Variants in HMGN5 observed in about 807,000 individuals in gnomAD.
HMGN5 encodes the protein high mobility group nucleosome binding domain 5.
HMGN5 carries 4 observed loss-of-function variants against 9.5 expected under a neutral mutation model. That is an observed-to-expected ratio of 0.42 (90% CI 0.21 to 0.96). The LOEUF (loss-of-function observed/expected upper bound fraction) is 0.96, where lower values mean the gene tolerates loss of function less well. Among genes scored for constraint, HMGN5 ranks in the 40% least tolerant of loss-of-function variants. HMGN5 has a pLI of 0.30. For synonymous variants in HMGN5, 55 were observed against 57.1 expected (o/e 0.96, Z 0.16); for missense variants, 192 against 187.5 (o/e 1.02, Z -0.14).
rs1378904508 is a variant in HMGN5, at chrX:81,114,503, T to C, written c.*146A>G. ...TGTTTCATGTTAGAAACTTTATGGCTAATAATCAATATGAAGATGTTCTGA... is the reference window on the plus strand; with the variant it reads ...TGTTTCATGTTAGAAACTTTATGGCCAATAATCAATATGAAGATGTTCTGA... On this transcript the variant is annotated 3_prime_UTR_variant, in exon 7 of 7. Coordinates refer to ENST00000358130, the MANE Select transcript of HMGN5 (RefSeq NM_030763.3). 1 of 512,957 alleles carries C rather than the reference T, an allele frequency of 1.9e-6. No individual in the cohort carries two copies. The highest frequency in any genetic ancestry group is 4.3e-5 in the East Asian group (1 of 23,028). The allele number at this position is 512,957 out of a possible 1,213,427, so 42.3% of individuals were successfully genotyped here.
chrX:81,179,091 TATA>T (rs1477328012), intron 1 of HMGN5, among the ~76,000 whole-genome samples: 1 of 111,515 alleles, frequency 9.0e-6, no homozygotes, highest in Non-Finnish European at 1.9e-5. Context: ...CCACAGCCAA[TATA>T]ATACTGAATG....
At chrX:81,148,981 G>A (rs2075353350) in intron 1 of HMGN5, among the ~76,000 whole-genome samples, 1 of 111,760 alleles carries the variant, frequency 8.9e-6, no homozygotes, top group Non-Finnish European at 1.9e-5. Context: ...GGAAACAACA[G>A]ATGCTGGAGA....
chrX:81,133,574 G>A (rs140143918), intron 1 of HMGN5, among the ~76,000 whole-genome samples: 14 of 111,444 alleles, frequency 1.3e-4, no homozygotes, highest in Non-Finnish European at 2.5e-4. Context: ...GTATGGAGCT[G>A]GAGGCCATTA....
chrX:81,120,640 A>C (rs772591810), intron 2 of HMGN5, among the ~76,000 whole-genome samples: 1 of 111,481 alleles, frequency 9.0e-6, no homozygotes, highest in Non-Finnish European at 1.9e-5. Flanking sequence ...AAACAATCAT[A>C]ATGTCTTAGC....
intron 1 of HMGN5, among the ~76,000 whole-genome samples, chrX:81,192,158 T>A: frequency 9.0e-6 from 1 of 111,499 alleles, no homozygotes; most frequent in Non-Finnish European, 1.9e-5. Flanking sequence ...TAAAGTACTA[T>A]CCTTTTTATA....
chrX:81,188,919 C>G (rs1326118479), intron 1 of HMGN5, among the ~76,000 whole-genome samples: 1 of 111,235 alleles, frequency 9.0e-6, no homozygotes, highest in African/African-American at 3.3e-5. Flanking sequence ...ACCACAGTCA[C>G]AGTGCTACAA....
chrX:81,144,211 TC>T (rs1404314869), intron 1 of HMGN5, among the ~76,000 whole-genome samples: 1 of 110,815 alleles, frequency 9.0e-6, no homozygotes, highest in East Asian at 2.9e-4. Flanking sequence ...CTGGAAGACA[TC>T]CCCCAGTAGA....
At chrX:81,149,516 A>G (rs1202385146) in intron 1 of HMGN5, among the ~76,000 whole-genome samples, 3 of 111,615 alleles carry the variant, frequency 2.7e-5, no homozygotes, top group African/African-American at 6.5e-5. Context: ...GAAATATCTA[A>G]TGTAGATGAT....
intron 1 of HMGN5, among the ~76,000 whole-genome samples, chrX:81,127,241 C>T (rs1048992963): frequency 1.8e-5 from 2 of 111,581 alleles, no homozygotes; most frequent in African/African-American, 6.5e-5. Flanking sequence ...GCTGGTTACT[C>T]TTACAAAAAG....
chrX:81,141,784 G>A (rs1459006271), intron 1 of HMGN5, among the ~76,000 whole-genome samples: 2 of 111,415 alleles, frequency 1.8e-5, no homozygotes, highest in Non-Finnish European at 3.8e-5. Context: ...ACTCTTCAAT[G>A]CCCAGACACT....
In HMGN5 at chrX:81,121,515, T is replaced by C; in HGVS notation, c.15+20A>G. The stretch of plus-strand genomic sequence containing the variant: ...GTAACTCAGCAGCTCATTCCCCGTC[T>C]GTCTTTCCATTTCACTTACCTTTCT... On this transcript the variant is annotated intron_variant, in intron 2 of 6. Coordinates refer to ENST00000358130, the MANE Select transcript of HMGN5 (RefSeq NM_030763.3). 8.4e-7 allele frequency: 1 copy of C among 1,193,559 alleles called. No homozygotes were observed. The highest frequency in any genetic ancestry group is 1.1e-6 in the Non-Finnish European group (1 of 879,931).
chrX:81,131,438 TG>T (rs1240897669), intron 1 of HMGN5, among the ~76,000 whole-genome samples: 1 of 111,168 alleles, frequency 9.0e-6, no homozygotes, highest in Non-Finnish European at 1.9e-5. Context: ...AGGACCTGTG[TG>T]GGGATTGAAA....
At chrX:81,184,702 A>G (rs1302759701) in intron 1 of HMGN5, among the ~76,000 whole-genome samples, 2 of 111,244 alleles carry the variant, frequency 1.8e-5, no homozygotes, top group Non-Finnish European at 3.8e-5. Context: ...ATCTTTGCCT[A>G]GTCCAATGTC....
intron 1 of HMGN5, among the ~76,000 whole-genome samples, chrX:81,138,300 CAATT>C (rs762073995): frequency 2.0e-3 from 220 of 111,504 alleles, no homozygotes; most frequent in Middle Eastern, 9.3e-3. Context: ...ACATTTGGCT[CAATT>C]AAAGTAATCC....
chrX:81,151,986 A>C (rs1418511966), intron 1 of HMGN5, among the ~76,000 whole-genome samples: 1 of 111,890 alleles, frequency 8.9e-6, no homozygotes, highest in Non-Finnish European at 1.9e-5. Flanking sequence ...CTTATACAAA[A>C]ATCAATTCAA....
In HMGN5 at chrX:81,143,109, T is replaced by A. The variant is rs762263040; in HGVS notation, c.-123-21437A>T. Among the ~76,000 whole-genome samples the A allele has an allele frequency of 8.2e-5, 9 of 110,375 alleles. No homozygotes were observed. In the South Asian group the frequency reaches 3.5e-3, roughly 43 times the overall value. ...TAGTATTTGCAAGCCTCATGATAACTTCAAACAAAAAAATACAATGGATAC... is the reference window on the plus strand; with the variant it reads ...TAGTATTTGCAAGCCTCATGATAACATCAAACAAAAAAATACAATGGATAC... On this transcript the variant is annotated intron_variant, in intron 1 of 6. Transcript: ENST00000358130.
chrX:81,177,822 C>T (rs1193105343), intron 1 of HMGN5, among the ~76,000 whole-genome samples: 1 of 111,671 alleles, frequency 9.0e-6, no homozygotes. Flanking sequence ...AAGAAAAACA[C>T]TCCTCAGCAA....
intron 1 of HMGN5, among the ~76,000 whole-genome samples, chrX:81,140,439 A>T (rs992009225): frequency 9.2e-6 from 1 of 109,196 alleles, no homozygotes; most frequent in Non-Finnish European, 1.9e-5. Context: ...GGGCGCCTGT[A>T]GTCCCAGCTA....
Position 81,125,224 on chromosome X carries a change from A to G in HMGN5, c.-123-3552T>C, listed in dbSNP as rs763886533. 7.2e-5 allele frequency among the ~76,000 whole-genome samples: 8 copies of G among 110,535 alleles called. No homozygotes were observed. The East Asian group carries it at 1.7e-3, about 23-fold the overall frequency. ...ATATCTCTAATTTTGACCTCATGCA[A>G]CACCATTATTATTCCTGTTGTATTT... On this transcript the variant is annotated intron_variant, in intron 1 of 6. Coordinates refer to ENST00000358130, the MANE Select transcript of HMGN5 (RefSeq NM_030763.3).
Sources: allele counts gnomAD v4.1 joint callset (sites outside exome capture counted in the v4.1 genomes callset), GRCh38; gene constraint gnomAD v4.1.1; transcripts MANE v1.5; gene names NCBI Gene and HGNC (gene_info 2026-07-23, HGNC 2026-07-21).